Variants in SHROOM4 observed in about 807,000 individuals in gnomAD.
SHROOM4 encodes protein Shroom4.
SHROOM4 carries 17 observed loss-of-function variants against 80.3 expected under a neutral mutation model. That is an observed-to-expected ratio of 0.21 (90% CI 0.14 to 0.32). The LOEUF (loss-of-function observed/expected upper bound fraction) is 0.32, where lower values mean the gene tolerates loss of function less well. Ranked by LOEUF, SHROOM4 falls within the 10% of genes least tolerant of loss-of-function variation. The pLI, the probability that SHROOM4 is intolerant of heterozygous loss-of-function variation, is 1.00. For synonymous variants in SHROOM4, 400 were observed against 437.5 expected (o/e 0.91, Z 1.07); for missense variants, 993 against 1,140.3 (o/e 0.87, Z 1.86).
chrX:50,734,819 G>A (rs953727043), intron 1 of SHROOM4, among the ~76,000 whole-genome samples: 8 of 111,141 alleles, frequency 7.2e-5, no homozygotes, highest in Non-Finnish European at 1.3e-4. Context: ...TACTGTTCTC[G>A]TGGTAGTGAA....
chrX:50,673,580 C>A (rs1477962012), intron 2 of SHROOM4, among the ~76,000 whole-genome samples: 1 of 111,025 alleles, frequency 9.0e-6, no homozygotes, highest in Non-Finnish European at 1.9e-5. Context: ...GTGGTCTAAA[C>A]ACATCAATGA....
chrX:50,652,162 T>A (rs782612019), intron 2 of SHROOM4, among the ~76,000 whole-genome samples: 9 of 111,971 alleles, frequency 8.0e-5, no homozygotes, highest in East Asian at 5.6e-4. Context: ...CGCCACACTA[T>A]CTTCCACAAT....
At chrX:50,705,495 G>A (rs782352904) in intron 1 of SHROOM4, among the ~76,000 whole-genome samples, 1 of 111,348 alleles carries the variant, frequency 9.0e-6, no homozygotes, top group African/African-American at 3.3e-5. Flanking sequence ...TAAAAAGAGA[G>A]GACCAGATTT....
At chrX:50,642,807 G>T (rs1020959066) in intron 2 of SHROOM4, among the ~76,000 whole-genome samples, 1 of 111,792 alleles carries the variant, frequency 8.9e-6, no homozygotes, top group African/African-American at 3.3e-5. Context: ...AACCAGAGAT[G>T]CATAAAGCTT....
chrX:50,610,425 C>A (rs1394443311), intron 5 of SHROOM4, among the ~76,000 whole-genome samples: 1 of 109,081 alleles, frequency 9.2e-6, no homozygotes, highest in Admixed American at 9.8e-5. Context: ...CAAACGTGTA[C>A]CAGGCAGAGA....
chrX:50,657,374 T>C (rs1469979974), intron 2 of SHROOM4, among the ~76,000 whole-genome samples: 1 of 111,523 alleles, frequency 9.0e-6, no homozygotes, highest in East Asian at 2.8e-4. Flanking sequence ...TGGAATATAA[T>C]GTTAGCTGTG....
chrX:50,687,283 TAA>T (rs56727889), intron 2 of SHROOM4: 17 of 106,503 alleles, frequency 1.6e-4, no homozygotes, highest in African/African-American at 5.6e-4. Context: ...TTTTTTTTTT[TAA>T]AAACAGCTAT....
At chrX:50,762,977 A>AT (rs1383223932) in intron 1 of SHROOM4, among the ~76,000 whole-genome samples, 1 of 110,708 alleles carries the variant, frequency 9.0e-6, no homozygotes, top group Non-Finnish European at 1.9e-5. Flanking sequence ...TTATGCATTC[A>AT]TTTTTTTCCT....
At chrX:50,700,463 T>G (rs371672877) in intron 1 of SHROOM4, among the ~76,000 whole-genome samples, 38 of 112,062 alleles carry the variant, frequency 3.4e-4, no homozygotes, top group African/African-American at 1.2e-3. Flanking sequence ...CATCAAAGAA[T>G]GAATAAAGTG....
At chrX:50,722,804 G>A (rs1224133179) in intron 1 of SHROOM4, among the ~76,000 whole-genome samples, 1 of 110,949 alleles carries the variant, frequency 9.0e-6, no homozygotes, top group East Asian at 2.9e-4. Flanking sequence ...TAGGAGAGCA[G>A]GTTTTATTTT....
intron 2 of SHROOM4, among the ~76,000 whole-genome samples, chrX:50,677,942 T>C (rs1932874768): frequency 9.0e-6 from 1 of 111,417 alleles, no homozygotes; most frequent in South Asian, 3.8e-4. Flanking sequence ...ATGGCTGTGA[T>C]CAACTCAAGT....
intron 1 of SHROOM4, among the ~76,000 whole-genome samples, chrX:50,732,673 T>A (rs1269040578): frequency 9.0e-6 from 1 of 111,525 alleles, no homozygotes; most frequent in Non-Finnish European, 1.9e-5. Context: ...ATTAGATAAC[T>A]TAGATGAAAT....
chrX:50,598,663 A>C, intron 7 of SHROOM4, 128 bp from the exon 8 acceptor site: 1 of 867,095 alleles, frequency 1.2e-6, no homozygotes, highest in Non-Finnish European at 1.6e-6. Context: ...ACTGGAAACA[A>C]AGGAAACTTG....
chrX:50,618,941 G>C (rs782010011), intron 5 of SHROOM4, among the ~76,000 whole-genome samples: 1 of 111,759 alleles, frequency 8.9e-6, no homozygotes, highest in African/African-American at 3.3e-5. Flanking sequence ...ATCCTCGGGC[G>C]TCCATGAAGG....
In SHROOM4 at chrX:50,793,377, A is replaced by G. The variant is rs781804899; in HGVS notation, c.117+20525T>C. Among the ~76,000 whole-genome samples, 53 of 110,403 alleles carry G rather than the reference A, an allele frequency of 4.8e-4. 1 individual carries two copies. The South Asian group carries it at 0.02, about 41-fold the overall frequency. Reference sequence around the variant, plus strand: ...AAATCTGCTGTACAACATTGTGCCTATGGTTAACAGTGTGGTATTGTGAAC... The same window carrying G: ...AAATCTGCTGTACAACATTGTGCCTGTGGTTAACAGTGTGGTATTGTGAAC... On this transcript the variant is annotated intron_variant, in intron 1 of 8. Transcript: ENST00000376020.
At chrX:50,654,457 T>C (rs952058483) in intron 2 of SHROOM4, among the ~76,000 whole-genome samples, 1 of 111,948 alleles carries the variant, frequency 8.9e-6, no homozygotes, top group Non-Finnish European at 1.9e-5. Flanking sequence ...TAATATACAA[T>C]ATATTTTTTC....
chrX:50,768,319 T>C (rs1425802510), intron 1 of SHROOM4, among the ~76,000 whole-genome samples: 1 of 111,872 alleles, frequency 8.9e-6, no homozygotes, highest in African/African-American at 3.2e-5. Context: ...TCTGGGTGGG[T>C]AAAGCGATTG....
intron 2 of SHROOM4, among the ~76,000 whole-genome samples, chrX:50,688,722 G>A (rs958719184): frequency 5.4e-5 from 6 of 110,899 alleles, no homozygotes; most frequent in African/African-American, 2.0e-4. Context: ...AGAACCATGA[G>A]GACAGGGGCT....
intron 1 of SHROOM4, among the ~76,000 whole-genome samples, chrX:50,800,142 C>G (rs781816549): frequency 8.9e-6 from 1 of 112,140 alleles, no homozygotes; most frequent in Non-Finnish European, 1.9e-5. Flanking sequence ...TCATTCAAGG[C>G]TCACCCCACT....
Sources: gnomAD v4.1 joint callset for allele counts (sites outside exome capture counted in the v4.1 genomes callset) on GRCh38, gnomAD v4.1.1 for gene constraint, MANE v1.5 for transcripts, NCBI Gene and HGNC (gene_info 2026-07-23, HGNC 2026-07-21) for gene names.